ZNF486: variants seen among roughly 807,000 people sequenced by gnomAD.
ZNF486 encodes zinc finger protein 486.
ZNF486 carries 12 observed loss-of-function variants against 12.8 expected under a neutral mutation model. The ratio of observed to expected loss-of-function variants is 0.94; its 90% CI spans 0.60 to 1.52. ZNF486 has a LOEUF of 1.52. Ranked by LOEUF, ZNF486 falls within the 40% of genes most tolerant of loss-of-function variation. ZNF486 has a pLI of 0.00. For synonymous variants in ZNF486, 231 were observed against 184.9 expected (o/e 1.25, Z -2.02); for missense variants, 738 against 545.0 (o/e 1.35, Z -3.53).
chr19:20,195,679 A>G (rs1466012481), intron 3 of ZNF486, among the ~76,000 whole-genome samples: 1 of 152,184 alleles, frequency 6.6e-6, no homozygotes, highest in Non-Finnish European at 1.5e-5. Context: ...TGTCTTGGCT[A>G]GAGATTCTGG....
intron 3 of ZNF486, among the ~76,000 whole-genome samples, chr19:20,190,305 C>T (rs2089889895): frequency 6.6e-6 from 1 of 152,258 alleles, no homozygotes; most frequent in East Asian, 1.9e-4. Context: ...TTGAATTTGC[C>T]AATTTACCTT....
intron 3 of ZNF486, among the ~76,000 whole-genome samples, chr19:20,189,883 T>C (rs2089885940): frequency 6.6e-6 from 1 of 152,186 alleles, no homozygotes; most frequent in Non-Finnish European, 1.5e-5. Flanking sequence ...TCTAAGAAAA[T>C]GGTGGCAAGA....
chr19:20,179,226 G>A (rs1555715221), intron 1 of ZNF486, among the ~76,000 whole-genome samples: 1 of 151,936 alleles, frequency 6.6e-6, no homozygotes, highest in African/African-American at 2.4e-5. Flanking sequence ...ATGCCACATT[G>A]GACACTATCC....
At position 20,167,458 on chromosome 19, in the gene ZNF486, T is replaced by C. The variant is rs2089596886; in HGVS notation, c.30+98T>C. 4 of 1,417,576 alleles carry C rather than the reference T, an allele frequency of 2.8e-6. No individual in the cohort carries two copies. The African/African-American group carries it at 4.3e-5, about 15-fold the overall frequency. 87.8% of individuals were successfully genotyped at this position (1,417,576 alleles called of 1,614,324 possible). A position where few individuals can be genotyped will look rare whatever the true frequency, so the allele number is the denominator to read the frequency against. Reference sequence around the variant, plus strand: ...GGCCTCCCCGTAGTCAGCTCCACAATCTGCGTCCGGACTTCTCCTTACCCA... The same window carrying C: ...GGCCTCCCCGTAGTCAGCTCCACAACCTGCGTCCGGACTTCTCCTTACCCA... On this transcript the variant is annotated intron_variant, in intron 1 of 3. Coordinates refer to ENST00000335117, the MANE Select transcript of ZNF486 (RefSeq NM_052852.4).
At chr19:20,188,234 T>C (rs1555716770) in intron 3 of ZNF486, among the ~76,000 whole-genome samples, 1 of 152,218 alleles carries the variant, frequency 6.6e-6, no homozygotes, top group East Asian at 1.9e-4. Flanking sequence ...ATGTGTTTAA[T>C]GATGAATATA....
intron 1 of ZNF486, among the ~76,000 whole-genome samples, chr19:20,173,518 G>C (rs1220727336): frequency 1.3e-5 from 2 of 152,026 alleles, no homozygotes; most frequent in African/African-American, 4.8e-5. Flanking sequence ...GTGTCCAAGA[G>C]TTCAAAACTC....
intron 1 of ZNF486, among the ~76,000 whole-genome samples, chr19:20,171,885 A>T (rs879997557): frequency 6.6e-6 from 1 of 151,612 alleles, no homozygotes; most frequent in Admixed American, 6.6e-5. Context: ...TCCACCCTCA[A>T]CTAGGCCTCA....
intron 3 of ZNF486, among the ~76,000 whole-genome samples, chr19:20,189,563 G>A (rs367903131): frequency 6.6e-6 from 1 of 152,176 alleles, no homozygotes; most frequent in Middle Eastern, 3.4e-3. Context: ...GTTTGTCATT[G>A]TGTTTTTTTA....
In ZNF486 at chr19:20,199,512, C is replaced by T; in HGVS notation, c.*1410C>T. 1 of 151,936 alleles carries T rather than the reference C, an allele frequency of 6.6e-6. No homozygotes were observed. The highest frequency in any genetic ancestry group is 1.9e-4 in the East Asian group (1 of 5,156). The allele number at this position is 151,936 out of a possible 1,614,324, so 9.4% of individuals were successfully genotyped here. ...TTGGGAGGCCAAGGTGGGAGGATCA[C>T]CTGATGTCGGGAGTTTGAGATCAGA... On this transcript the variant is annotated 3_prime_UTR_variant, in exon 4 of 4. Coordinates refer to ENST00000335117, the MANE Select transcript of ZNF486 (RefSeq NM_052852.4).
rs1215365755 is a variant in ZNF486 at position 20,198,201 on chromosome 19, C to T, written c.*99C>T. 1 of 1,035,660 alleles carries T rather than the reference C, an allele frequency of 9.7e-7. No individual in the cohort carries two copies. Among genetic ancestry groups the T allele is most frequent in the African/African-American group, 1.6e-5 (1 of 61,640 alleles). 64.2% of individuals were successfully genotyped at this position (1,035,660 alleles called of 1,614,324 possible). A position where few individuals can be genotyped will look rare whatever the true frequency, so the allele number is the denominator to read the frequency against. On this transcript the variant is annotated 3_prime_UTR_variant, in exon 4 of 4. Transcript: ENST00000335117. ...GCATAATTTTGGCTCACCACAACCT[C>T]CACCTTCTGGGTTCAAGTAACTCTC...
chr19:20,197,203 C>T lies in ZNF486; in HGVS notation c.493C>T (p.Gln165Ter). The part of the protein sequence containing the change: ...QCGKYVKVFH[Q>*]FSNSKRHKRR... ...TGGTAAATATGTGAAAGTCTTTCAT[C>T]AATTTTCAAATTCAAAGAGACATAA... Residue 165 changes from glutamine (Q) to a stop codon, truncating the protein, a stop_gained, in exon 4 of 4, where the codon CAA becomes TAA. Transcript: ENST00000335117. LOFTEE classifies it low-confidence loss of function (END_TRUNC). 6.2e-7 allele frequency: 1 copy of T among 1,612,744 alleles called. No homozygotes were observed. Among genetic ancestry groups the T allele is most frequent in the Non-Finnish European group, 8.5e-7 (1 of 1,179,674 alleles).
chr19:20,177,243 C>T (rs781840605), intron 1 of ZNF486, among the ~76,000 whole-genome samples: 1 of 152,222 alleles, frequency 6.6e-6, no homozygotes, highest in Non-Finnish European at 1.5e-5. Context: ...GAGTACAGAG[C>T]CACTCCTCTA....
intron 1 of ZNF486, among the ~76,000 whole-genome samples, chr19:20,181,545 A>AAAC (rs1410338849): frequency 8.8e-5 from 13 of 147,878 alleles, no homozygotes; most frequent in African/African-American, 2.4e-4. Context: ...TCAAAAAACA[A>AAAC]AAAAAAAAAA....
At chr19:20,174,025 A>G (rs1183561493) in intron 1 of ZNF486, among the ~76,000 whole-genome samples, 1 of 152,158 alleles carries the variant, frequency 6.6e-6, no homozygotes, top group African/African-American at 2.4e-5. Context: ...GGTTCCAAAA[A>G]GTTTATTTTT....
At chr19:20,172,981 G>A (rs2089666576) in intron 1 of ZNF486, among the ~76,000 whole-genome samples, 1 of 152,150 alleles carries the variant, frequency 6.6e-6, no homozygotes, top group Non-Finnish European at 1.5e-5. Context: ...TTTGTCAGAG[G>A]CAAAGTTTGT....
At chr19:20,188,422 A>T in intron 3 of ZNF486, 1 of 398,510 alleles carries the variant, frequency 2.5e-6, no homozygotes, top group Non-Finnish European at 4.4e-6. Flanking sequence ...TGTGGCTCCC[A>T]TCTGTAATCC....
intron 1 of ZNF486, among the ~76,000 whole-genome samples, chr19:20,170,016 G>T (rs950542664): frequency 6.7e-6 from 1 of 148,204 alleles, no homozygotes; most frequent in Non-Finnish European, 1.5e-5. Flanking sequence ...TCAGCCTCCC[G>T]AGTAGCTGGG....
chr19:20,184,526 TTTTA>T, intron 2 of ZNF486, 44 bp downstream of exon 2: 1 of 1,531,304 alleles, frequency 6.5e-7, no homozygotes, highest in South Asian at 1.3e-5. Flanking sequence ...ACCCCAAAAG[TTTTA>T]TTTCTCTTTT....
At chr19:20,184,211 T>C in intron 1 of ZNF486, 145 bp from the exon 2 acceptor site, 1 of 1,242,714 alleles carries the variant, frequency 8.0e-7, no homozygotes, top group Non-Finnish European at 1.1e-6. Context: ...TTAGAAAATA[T>C]TTCTGTATTG....
Sources: gnomAD v4.1 joint callset for allele counts (sites outside exome capture counted in the v4.1 genomes callset) on GRCh38, gnomAD v4.1.1 for gene constraint, MANE v1.5 for transcripts, NCBI Gene and HGNC (gene_info 2026-07-23, HGNC 2026-07-21) for gene names.